The following STK38L variants were observed in gnomAD, a reference collection of about 807,000 sequenced individuals.
STK38L encodes the protein serine/threonine-protein kinase 38-like.
STK38L carries 28 observed loss-of-function variants against 59.7 expected under a neutral mutation model. The observed-to-expected ratio is 0.47, with a 90% CI of 0.35 to 0.64. The LOEUF is 0.64. Ranked by LOEUF, STK38L falls within the 30% of genes least tolerant of loss-of-function variation. The pLI, the probability that STK38L is intolerant of heterozygous loss-of-function variation, is 0.01. For missense variants in STK38L, 314 were observed against 555.8 expected (o/e 0.56, Z 4.37); for synonymous variants, 162 against 176.8 (o/e 0.92, Z 0.66).
rs1478706818 is a variant in STK38L at position 27,309,108 on chromosome 12, T to A, written c.310-6T>A. The A allele has an allele frequency of 1.9e-6, 3 of 1,573,878 alleles. No homozygotes were observed. In the East Asian group the frequency reaches 6.9e-5, roughly 36 times the overall value. On this transcript the variant is annotated splice_polypyrimidine_tract_variant and splice_region_variant and intron_variant, in intron 4 of 13. Coordinates refer to ENST00000389032, the MANE Select transcript of STK38L (RefSeq NM_015000.4). The stretch of plus-strand genomic sequence containing the variant: ...TGTTTTATAATATATGTTTTTTATC[T>A]TTTAGGTGCGGTTGGTCCAGAAGAA...
chr12:27,275,342 C>CTTT (rs34162442), intron 1 of STK38L, among the ~76,000 whole-genome samples: 14 of 124,754 alleles, frequency 1.1e-4, no homozygotes, highest in South Asian at 2.5e-4. Context: ...TAGACTGCAT[C>CTTT]TTTTTTTTTT....
chr12:27,307,414 G>A (rs1395573532), intron 3 of STK38L, among the ~76,000 whole-genome samples: 4 of 152,208 alleles, frequency 2.6e-5, no homozygotes, highest in Non-Finnish European at 5.9e-5. Flanking sequence ...TACAGGAGTA[G>A]GGAGAGGCTA....
At chr12:27,313,620 T>G (rs1369790444) in intron 6 of STK38L, among the ~76,000 whole-genome samples, 1 of 151,998 alleles carries the variant, frequency 6.6e-6, no homozygotes, top group Non-Finnish European at 1.5e-5. Flanking sequence ...TGACCTCAAG[T>G]GATCCACCCA....
Position 27,247,113 on chromosome 12 carries a change from A to G in STK38L, c.-12+2781A>G, listed in dbSNP as rs923122115. ...GTGATCTAGTCATATGATAATGATG[A>G]TAAGTAAATACTTTATATAATGCTG... is the stretch of plus-strand genomic sequence containing the variant. On this transcript the variant is annotated intron_variant, in intron 1 of 13. Coordinates refer to ENST00000389032, the MANE Select transcript of STK38L (RefSeq NM_015000.4). Among the ~76,000 whole-genome samples the G allele has an allele frequency of 3.7e-4, 56 of 152,270 alleles. 1 individual carries two copies. The highest frequency in any genetic ancestry group is 1.3e-3 in the African/African-American group (53 of 41,476).
chr12:27,299,541 T>C (rs1490995503), intron 2 of STK38L, among the ~76,000 whole-genome samples: 2 of 152,140 alleles, frequency 1.3e-5, no homozygotes, highest in Admixed American at 6.6e-5. Context: ...ACAAAAATTA[T>C]ATAAAGCAAC....
intron 12 of STK38L, among the ~76,000 whole-genome samples, chr12:27,320,541 C>G (rs1475798724): frequency 6.6e-6 from 1 of 150,766 alleles, no homozygotes; most frequent in African/African-American, 2.4e-5. Context: ...ATCCACCTGC[C>G]TCGGCCTCCC....
chr12:27,304,886 T>C (rs1043710903), intron 3 of STK38L, among the ~76,000 whole-genome samples: 1 of 149,894 alleles, frequency 6.7e-6, no homozygotes, highest in East Asian at 1.9e-4. Flanking sequence ...ATTCAACTTA[T>C]ATGATTTTTT....
chr12:27,264,593 C>T (rs1943264843), intron 1 of STK38L, among the ~76,000 whole-genome samples: 3 of 152,110 alleles, frequency 2.0e-5, no homozygotes, highest in Non-Finnish European at 1.5e-5. Flanking sequence ...TCAGAAAAAA[C>T]AATACAACAA....
intron 1 of STK38L, among the ~76,000 whole-genome samples, chr12:27,288,595 A>G (rs1420466758): frequency 6.6e-6 from 1 of 152,014 alleles, no homozygotes; most frequent in Non-Finnish European, 1.5e-5. Context: ...TCCCCCAACC[A>G]TGCTCTCATG....
intron 1 of STK38L, among the ~76,000 whole-genome samples, chr12:27,252,250 A>T (rs1196094519): frequency 6.6e-6 from 1 of 152,192 alleles, no homozygotes; most frequent in Non-Finnish European, 1.5e-5. Context: ...AAGTGCTGGG[A>T]TTACAGGCAT....
At position 27,308,725 on chromosome 12, in the gene STK38L, A is replaced by G. The variant is rs1203643020; in HGVS notation, c.309+264A>G. ...TCCCAGCTACTTGGGAGGCTGAGGCAGGAGAATCGCTTGAGCCCAGGAGGC... is the reference window on the plus strand; with the variant it reads ...TCCCAGCTACTTGGGAGGCTGAGGCGGGAGAATCGCTTGAGCCCAGGAGGC... On this transcript the variant is annotated intron_variant, in intron 4 of 13. Coordinates refer to ENST00000389032, the MANE Select transcript of STK38L (RefSeq NM_015000.4). This position sits in a 1 kb window ranked among gnomAD's most constrained non-coding sequence, Gnocchi z 4.5. Among the ~76,000 whole-genome samples, 1 of 151,646 alleles carries G rather than the reference A, an allele frequency of 6.6e-6. No individual in the cohort carries two copies. Among genetic ancestry groups the G allele is most frequent in the Non-Finnish European group, 1.5e-5 (1 of 67,886 alleles).
rs143592477 is a variant in STK38L, at chr12:27,279,582, C to T, written c.-11-18128C>T. On this transcript the variant is annotated intron_variant, in intron 1 of 13. Transcript: ENST00000389032. ...TGTACGAAAAAATACAAAAATTAGC[C>T]GGGCGTGGTGGTGGGCACCTGTAAT... Among the ~76,000 whole-genome samples the T allele has an allele frequency of 1.6e-3, 247 of 151,524 alleles. No individual in the cohort carries two copies. In the Middle Eastern group the frequency reaches 0.031, roughly 19 times the overall value.
rs1191612962 is a variant in STK38L, at chr12:27,308,863, TATATAAATATAA to T, written c.310-245_310-234del. ...GTTTGTATGTATATATAAAAAAATA[TATATAAATATAA>T]ATATATATAAATGTAAATATATAAA... On this transcript the variant is annotated intron_variant, in intron 4 of 13. Transcript: ENST00000389032. The surrounding 1 kb of genome is among the most constrained non-coding windows in gnomAD (Gnocchi z 4.5). Among the ~76,000 whole-genome samples the T allele has an allele frequency of 1.6e-5, 2 of 126,746 alleles. No individual in the cohort carries two copies. Among genetic ancestry groups the T allele is most frequent in the African/African-American group, 5.1e-5 (2 of 38,932 alleles). 83.2% of individuals were successfully genotyped at this position (126,746 alleles called of 152,430 possible).
chr12:27,300,606 G>T (rs1263981753), intron 2 of STK38L: 4 of 455,944 alleles, frequency 8.8e-6, no homozygotes, highest in Non-Finnish European at 1.8e-5. Context: ...CTAGGGGTAG[G>T]TGATGGCAGC....
chr12:27,245,270 A>G (rs2136595671), intron 1 of STK38L, among the ~76,000 whole-genome samples: 1 of 152,290 alleles, frequency 6.6e-6, no homozygotes, highest in East Asian at 1.9e-4. Context: ...ACTTTTACCC[A>G]TTTCACATAA....
At position 27,290,553 on chromosome 12, in the gene STK38L, ATAAT is replaced by A. The variant is rs1482919303; in HGVS notation, c.-11-7154_-11-7151del. 7.2e-5 allele frequency among the ~76,000 whole-genome samples: 11 copies of A among 152,314 alleles called. 1 individual carries two copies. Among genetic ancestry groups the A allele is most frequent in the East Asian group, 5.8e-4 (3 of 5,188 alleles). Reference sequence around the variant, plus strand: ...AGTCATCCACATCTGAAACTTAGAGATAATTAGAGACTTTAGTCTTTCCAGCTGA... The same window carrying A: ...AGTCATCCACATCTGAAACTTAGAGATAGAGACTTTAGTCTTTCCAGCTGA... On this transcript the variant is annotated intron_variant, in intron 1 of 13. Transcript: ENST00000389032.
chr12:27,261,318 T>C (rs561750607), intron 1 of STK38L, among the ~76,000 whole-genome samples: 13 of 152,360 alleles, frequency 8.5e-5, no homozygotes, highest in African/African-American at 2.9e-4. Flanking sequence ...TTAATGCTTC[T>C]ACTTTCCTTG....
At chr12:27,252,203 T>C (rs1230933982) in intron 1 of STK38L, among the ~76,000 whole-genome samples, 4 of 152,102 alleles carry the variant, frequency 2.6e-5, no homozygotes, top group Non-Finnish European at 5.9e-5. Flanking sequence ...ATGGTCTCAA[T>C]CTCCTGACCT....
intron 1 of STK38L, among the ~76,000 whole-genome samples, chr12:27,244,607 C>G (rs565699741): frequency 3.9e-5 from 6 of 152,308 alleles, no homozygotes; most frequent in African/African-American, 1.4e-4. Context: ...ACTCCCCGGC[C>G]CCCGAGCACT....
Sources: allele counts gnomAD v4.1 joint callset (sites outside exome capture counted in the v4.1 genomes callset), GRCh38; gene constraint gnomAD v4.1.1; non-coding constraint Gnocchi (gnomAD v3.1); transcripts MANE v1.5; gene names NCBI Gene and HGNC (gene_info 2026-07-23, HGNC 2026-07-21).